SPAG16: variants seen among roughly 807,000 people sequenced by gnomAD.
SPAG16 encodes sperm-associated antigen 16 protein.
Under a neutral mutation model 80.4 loss-of-function variants are expected in SPAG16, and 86 were observed. The observed-to-expected ratio is 1.07, with a 90% CI of 0.90 to 1.28. The LOEUF is 1.28. Ranked by LOEUF, SPAG16 falls within the 50% of genes most tolerant of loss-of-function variation. The pLI is 0.00. For missense variants in SPAG16, 870 were observed against 765.3 expected (o/e 1.14, Z -1.61); for synonymous variants, 294 against 265.9 (o/e 1.11, Z -1.03).
At chr2:214,403,427 G>A (rs1035704426) in intron 15 of SPAG16, among the ~76,000 whole-genome samples, 9 of 150,738 alleles carry the variant, frequency 6.0e-5, no homozygotes, top group African/African-American at 2.2e-4. Flanking sequence ...ACCCAAAATG[G>A]TATCATATCA....
intron 13 of SPAG16, among the ~76,000 whole-genome samples, chr2:214,038,242 C>T (rs943424562): frequency 3.9e-5 from 6 of 152,054 alleles, no homozygotes; most frequent in Non-Finnish European, 8.8e-5. Flanking sequence ...ATTCTTTTTA[C>T]ATTTTCTTAT....
chr2:213,425,643 C>T (rs1215049489), intron 9 of SPAG16, among the ~76,000 whole-genome samples: 2 of 128,036 alleles, frequency 1.6e-5, no homozygotes, highest in Non-Finnish European at 3.2e-5. Context: ...CAGAGCAAGA[C>T]TCCATCTCAA....
At chr2:213,902,291 C>T (rs1206228531) in intron 11 of SPAG16, among the ~76,000 whole-genome samples, 2 of 151,990 alleles carry the variant, frequency 1.3e-5, no homozygotes, top group Non-Finnish European at 2.9e-5. Flanking sequence ...ATACATAGTA[C>T]ATTTATGTAT....
chr2:214,281,068 G>A, intron 15 of SPAG16: 1 of 382,662 alleles, frequency 2.6e-6, no homozygotes, highest in Non-Finnish European at 5.1e-6. Context: ...AGTAGTTCTG[G>A]CAAGGCCTTC....
chr2:213,516,800 G>A (rs1172785592), intron 10 of SPAG16, among the ~76,000 whole-genome samples: 3 of 152,112 alleles, frequency 2.0e-5, no homozygotes, highest in Non-Finnish European at 4.4e-5. Context: ...TATATTTGAT[G>A]AGAAATACTT....
chr2:213,766,903 G>A (rs1310079602), intron 10 of SPAG16, among the ~76,000 whole-genome samples: 1 of 152,152 alleles, frequency 6.6e-6, no homozygotes, highest in Non-Finnish European at 1.5e-5. Flanking sequence ...ACAAAGTCTG[G>A]GTTGGAGAGG....
chr2:213,616,775 G>A (rs1175499854), intron 10 of SPAG16, among the ~76,000 whole-genome samples: 1 of 152,092 alleles, frequency 6.6e-6, no homozygotes, highest in Non-Finnish European at 1.5e-5. Flanking sequence ...TTCATTCTGA[G>A]TCATATGCTT....
intron 11 of SPAG16, among the ~76,000 whole-genome samples, chr2:213,925,329 A>AATACTTGTT (rs2078418066): frequency 6.6e-6 from 1 of 150,426 alleles, no homozygotes; most frequent in Non-Finnish European, 1.5e-5. Context: ...TTGGAACATT[A>AATACTTGTT]ATACTTGTTC....
chr2:214,100,747 T>C (rs2052958425), intron 13 of SPAG16, among the ~76,000 whole-genome samples: 2 of 152,172 alleles, frequency 1.3e-5, no homozygotes, highest in Admixed American at 1.3e-4. Flanking sequence ...CTGAATAGTA[T>C]TCATGGTGTA....
At chr2:213,379,177 G>T (rs1033712192) in intron 9 of SPAG16, among the ~76,000 whole-genome samples, 1 of 152,166 alleles carries the variant, frequency 6.6e-6, no homozygotes, top group Non-Finnish European at 1.5e-5. Context: ...CAAGAATTTT[G>T]CTGGTGGATC....
intron 10 of SPAG16, among the ~76,000 whole-genome samples, chr2:213,642,968 C>T (rs987961935): frequency 6.6e-6 from 1 of 151,628 alleles, no homozygotes; most frequent in East Asian, 2.0e-4. Context: ...CCTTGCTCCT[C>T]AGCCTGCAGA....
Position 213,982,610 on chromosome 2 carries a change from GGTGTGTGTGTGTGTGT to G in SPAG16, c.1401-31317_1401-31302del, listed in dbSNP as rs57529616. Among the ~76,000 whole-genome samples the G allele has an allele frequency of 2.1e-5, 3 of 141,858 alleles. No homozygotes were observed. In the Admixed American group the frequency reaches 2.2e-4, roughly 10 times the overall value. The allele number at this position is 141,858 out of a possible 152,430, so 93.1% of individuals were successfully genotyped here. On this transcript the variant is annotated intron_variant, in intron 12 of 15. Transcript: ENST00000331683. The stretch of plus-strand genomic sequence containing the variant: ...AACTTGTTACCAAGGTATAGTTTCT[GGTGTGTGTGTGTGTGT>G]GTGTGTGTGTGTGTGTGTGTGTGAA...
intron 12 of SPAG16, among the ~76,000 whole-genome samples, chr2:213,955,250 G>C (rs1296299183): frequency 6.6e-6 from 1 of 151,988 alleles, no homozygotes; most frequent in East Asian, 1.9e-4. Context: ...CCAAACACAA[G>C]ATAATAAGCA....
intron 11 of SPAG16, among the ~76,000 whole-genome samples, chr2:213,904,321 G>A (rs955479632): frequency 2.0e-5 from 3 of 152,150 alleles, no homozygotes; most frequent in African/African-American, 7.2e-5. Flanking sequence ...GGCTGGGGAG[G>A]CCTCAGAATC....
chr2:213,758,897 G>A (rs2068492911), intron 10 of SPAG16, among the ~76,000 whole-genome samples: 1 of 152,086 alleles, frequency 6.6e-6, no homozygotes, highest in Non-Finnish European at 1.5e-5. Context: ...GACAAAGATA[G>A]AATCTTAAAA....
intron 15 of SPAG16, among the ~76,000 whole-genome samples, chr2:214,282,333 G>A (rs1693010523): frequency 6.6e-6 from 1 of 152,024 alleles, no homozygotes; most frequent in East Asian, 1.9e-4. Flanking sequence ...CTCTACTATG[G>A]TCACAATAAA....
At chr2:213,415,238 G>T (rs1450718074) in intron 9 of SPAG16, among the ~76,000 whole-genome samples, 1 of 152,226 alleles carries the variant, frequency 6.6e-6, no homozygotes, top group Non-Finnish European at 1.5e-5. Context: ...TCAGCCCCAA[G>T]CTTTTCAGAG....
intron 10 of SPAG16, among the ~76,000 whole-genome samples, chr2:213,746,152 T>C (rs996382109): frequency 2.6e-5 from 4 of 152,212 alleles, no homozygotes; most frequent in Non-Finnish European, 5.9e-5. Flanking sequence ...ACATAGATAT[T>C]ACTTGAAACC....
At chr2:213,521,040 A>C (rs183021483) in intron 10 of SPAG16, among the ~76,000 whole-genome samples, 1 of 152,174 alleles carries the variant, frequency 6.6e-6, no homozygotes, top group African/African-American at 2.4e-5. Flanking sequence ...ACCGTATCTC[A>C]ATTTATCATT....
Sources: allele counts gnomAD v4.1 joint callset (sites outside exome capture counted in the v4.1 genomes callset), GRCh38; gene constraint gnomAD v4.1.1; transcripts MANE v1.5; gene names NCBI Gene and HGNC (gene_info 2026-07-23, HGNC 2026-07-21).